FHIT: variants seen among roughly 807,000 people sequenced by gnomAD.
The protein encoded by FHIT is bis(5'-adenosyl)-triphosphatase.
A neutral mutation model predicts 17.9 loss-of-function variants in FHIT; 19 were observed. The observed-to-expected ratio is 1.06, with a 90% CI of 0.74 to 1.56. The LOEUF (loss-of-function observed/expected upper bound fraction) is 1.56. Ranked by LOEUF, FHIT falls within the 40% of genes most tolerant of loss-of-function variation. The pLI is 0.00. For synonymous variants in FHIT, 81 were observed against 69.7 expected, an observed-to-expected ratio of 1.16 and a Z score of -0.81; for missense variants, 248 against 189.2, an observed-to-expected ratio of 1.31 and a Z score of -1.82.
chr3:61,014,061 T>C (rs1359551977), intron 3 of FHIT, among the ~76,000 whole-genome samples: 1 of 152,064 alleles, frequency 6.6e-6, no homozygotes, highest in Non-Finnish European at 1.5e-5. Flanking sequence ...GGGATGAATT[T>C]TTCGACAGAA....
chr3:60,845,477 C>T (rs1384346290), intron 3 of FHIT, among the ~76,000 whole-genome samples: 1 of 152,258 alleles, frequency 6.6e-6, no homozygotes, highest in South Asian at 2.1e-4. Flanking sequence ...AAAAAGATAA[C>T]AGGGAATTTT....
chr3:61,043,509 A>AGGAGGCCT (rs2033631154), intron 2 of FHIT, among the ~76,000 whole-genome samples: 1 of 152,224 alleles, frequency 6.6e-6, no homozygotes, highest in Non-Finnish European at 1.5e-5. Flanking sequence ...CCGCAGCTCA[A>AGGAGGCCT]GGAGGCCTGC....
intron 3 of FHIT, among the ~76,000 whole-genome samples, chr3:60,826,229 G>A (rs1330023960): frequency 2.0e-5 from 3 of 150,942 alleles, no homozygotes; most frequent in East Asian, 2.0e-4. Flanking sequence ...AAGGAAGGGA[G>A]TTACCAGTTC....
chr3:60,980,703 G>T (rs1346361560), intron 3 of FHIT, among the ~76,000 whole-genome samples: 1 of 152,176 alleles, frequency 6.6e-6, no homozygotes, highest in Non-Finnish European at 1.5e-5. Context: ...AAGTCAGCAT[G>T]ACACAGGAAA....
chr3:60,285,173 T>C (rs1707664841), intron 5 of FHIT, among the ~76,000 whole-genome samples: 1 of 152,162 alleles, frequency 6.6e-6, no homozygotes, highest in African/African-American at 2.4e-5. Context: ...TATTAAATGT[T>C]GGTATATATT....
chr3:60,505,725 C>A (rs551255613), intron 5 of FHIT, among the ~76,000 whole-genome samples: 28 of 152,248 alleles, frequency 1.8e-4, no homozygotes, highest in African/African-American at 6.7e-4. Context: ...CTGCCCAAAT[C>A]CCCTGCTGAT....
Position 60,295,936 on chromosome 3 carries a change from G to A in FHIT, c.103+240924C>T, listed in dbSNP as rs564271020. Among the ~76,000 whole-genome samples the A allele has an allele frequency of 5.5e-4, 84 of 152,192 alleles. 2 individuals are homozygous for A. The South Asian group carries it at 0.017, about 31-fold the overall frequency. On this transcript the variant is annotated intron_variant, in intron 5 of 9. Transcript: ENST00000492590. ...TCCCACGTGTTGTGGGAGGGACCAGGTGGGAGATAATTAAATCACGGGGGT... is the reference window on the plus strand; with the variant it reads ...TCCCACGTGTTGTGGGAGGGACCAGATGGGAGATAATTAAATCACGGGGGT...
rs557577432 is a variant in FHIT at position 60,913,477 on chromosome 3, T to C, written c.-110-91466A>G. On this transcript the variant is annotated intron_variant, in intron 3 of 9. Coordinates refer to ENST00000492590, the MANE Select transcript of FHIT (RefSeq NM_002012.4). Reference sequence around the variant, plus strand: ...GACCTTCTGTATTCCAGAATTATAATAAGATCTCCAGATGATTTGTAGGCA... The same window carrying C: ...GACCTTCTGTATTCCAGAATTATAACAAGATCTCCAGATGATTTGTAGGCA... 1.4e-4 allele frequency among the ~76,000 whole-genome samples: 22 copies of C among 152,300 alleles called. 1 individual carries two copies. The highest frequency in any genetic ancestry group is 3.4e-3 in the Middle Eastern group (1 of 294).
At chr3:60,363,312 A>G (rs1396095707) in intron 5 of FHIT, among the ~76,000 whole-genome samples, 1 of 152,128 alleles carries the variant, frequency 6.6e-6, no homozygotes, top group Non-Finnish European at 1.5e-5. Context: ...AAAATTACCT[A>G]TAATTTTGCT....
intron 4 of FHIT, among the ~76,000 whole-genome samples, chr3:60,543,467 A>G (rs1249773259): frequency 2.6e-5 from 4 of 152,208 alleles, no homozygotes; most frequent in Admixed American, 6.5e-5. Flanking sequence ...GAAGCCATTT[A>G]TGAATGCTGC....
At chr3:60,298,631 A>T (rs1708314780) in intron 5 of FHIT, among the ~76,000 whole-genome samples, 1 of 152,190 alleles carries the variant, frequency 6.6e-6, no homozygotes, top group African/African-American at 2.4e-5. Flanking sequence ...CAATTTGAAA[A>T]CATTCTCTTC....
intron 8 of FHIT, among the ~76,000 whole-genome samples, chr3:59,791,849 C>T (rs1025513514): frequency 6.6e-6 from 1 of 152,008 alleles, no homozygotes; most frequent in African/African-American, 2.4e-5. Context: ...ATAAAGACAC[C>T]CAGAAAGTAG....
chr3:59,795,742 C>T (rs1050380347), intron 8 of FHIT, among the ~76,000 whole-genome samples: 1 of 152,082 alleles, frequency 6.6e-6, no homozygotes. Flanking sequence ...ACAAAAAATA[C>T]AATTAATAAA....
chr3:60,556,264 A>G (rs1162036858), intron 4 of FHIT, among the ~76,000 whole-genome samples: 2 of 152,198 alleles, frequency 1.3e-5, no homozygotes, highest in African/African-American at 2.4e-5. Flanking sequence ...TGACATCTAT[A>G]AAGTTTTCTG....
At chr3:61,124,696 T>A (rs1195875668) in intron 2 of FHIT, among the ~76,000 whole-genome samples, 2 of 152,172 alleles carry the variant, frequency 1.3e-5, no homozygotes, top group African/African-American at 4.8e-5. Flanking sequence ...TTTATATGGT[T>A]CATTGTGAGA....
intron 5 of FHIT, among the ~76,000 whole-genome samples, chr3:60,516,458 A>T (rs1430202083): frequency 6.6e-6 from 1 of 152,150 alleles, no homozygotes; most frequent in Non-Finnish European, 1.5e-5. Context: ...ACTACTTCAC[A>T]AATTCTGCAA....
chr3:60,504,804 A>C (rs1453249599), intron 5 of FHIT, among the ~76,000 whole-genome samples: 2 of 152,224 alleles, frequency 1.3e-5, no homozygotes, highest in Non-Finnish European at 2.9e-5. Context: ...TCTGCCCGGT[A>C]GTAAGCCCAA....
At chr3:59,956,201 A>C (rs1012136977) in intron 7 of FHIT, among the ~76,000 whole-genome samples, 1 of 152,124 alleles carries the variant, frequency 6.6e-6, no homozygotes, top group Non-Finnish European at 1.5e-5. Context: ...CTAGTGGTTA[A>C]AAGCCCCAGC....
intron 8 of FHIT, among the ~76,000 whole-genome samples, chr3:59,882,229 G>C (rs1183642470): frequency 1.3e-5 from 2 of 152,068 alleles, no homozygotes; most frequent in Non-Finnish European, 2.9e-5. Flanking sequence ...TTTAGATATG[G>C]AAAACAAAAC....
Sources: allele counts gnomAD v4.1 joint callset (sites outside exome capture counted in the v4.1 genomes callset), GRCh38; gene constraint gnomAD v4.1.1; transcripts MANE v1.5; gene names NCBI Gene and HGNC (gene_info 2026-07-23, HGNC 2026-07-21).